The following NFKB2 variants were observed in gnomAD, a reference collection of about 807,000 sequenced individuals.
The protein encoded by NFKB2 is nuclear factor kappa B subunit 2, also known as nuclear factor NF-kappa-B p100 subunit.
In NFKB2, 21 loss-of-function variants were observed where a neutral mutation model predicts 109.3. The ratio of observed to expected loss-of-function variants is 0.19; its 90% confidence interval spans 0.14 to 0.28. The LOEUF is 0.28. Among genes scored for constraint, NFKB2 ranks in the 10% least tolerant of loss-of-function variants. The pLI is 1.00. For synonymous variants in NFKB2, 478 were observed against 489.9 expected, an observed-to-expected ratio of 0.98 and a Z score of 0.32; for missense variants, 806 against 1,185.3, an observed-to-expected ratio of 0.68 and a Z score of 4.70.
upstream of NFKB2, chr10:102,394,425 T>C (rs1453271068): frequency 6.6e-6 from 1 of 152,478 alleles, no homozygotes; most frequent in Non-Finnish European, 1.5e-5. Context: ...AGTTAAACTT[T>C]CAGCCAATGA....
chr10:102,395,844 T>G, intron 1 of NFKB2, 44 bp from the exon 2 acceptor site: 1 of 70,988 alleles, frequency 1.4e-5, no homozygotes, highest in Non-Finnish European at 2.6e-5. Context: ...CCCACCCCCA[T>G]TTAGATCTGA....
Position 102,397,615 on chromosome 10 carries a change from C to T in NFKB2, c.591C>T (p.Phe197=). The T allele has an allele frequency of 1.2e-6, 2 of 1,614,020 alleles. No individual in the cohort carries two copies. The highest frequency in any genetic ancestry group is 1.7e-6 in the Non-Finnish European group (2 of 1,179,864). ...TAGTGCGGCTGCGCTTCTCTGCCTT[C>T]CTTAGAGCCAGTGATGGCTCCTTCT... ...LSIVRLRFSA[F]LRASDGSFSL... is the part of the protein sequence containing the mutation. The change falls in exon 8 of 23, where the codon TTC becomes TTT. Residue 197 remains phenylalanine, a synonymous_variant. Transcript: ENST00000661543. This position sits in a 1 kb window ranked among gnomAD's most constrained non-coding sequence, Gnocchi z 4.7.
At chr10:102,395,820 G>GGCCCCC in intron 1 of NFKB2, 24 bp downstream of exon 1, 1 of 399,570 alleles carries the variant, frequency 2.5e-6, no homozygotes, top group South Asian at 4.7e-5. Flanking sequence ...CCAAATCTGG[G>GGCCCCC]CCCCCATCTC....
rs2061108121 is a variant in NFKB2 at position 102,396,191 on chromosome 10, G to A, written c.22-62G>A. The A allele has an allele frequency of 1.3e-6, 2 of 1,547,840 alleles. No homozygotes were observed. Among genetic ancestry groups the A allele is most frequent in the African/African-American group, 1.4e-5 (1 of 73,632 alleles). On this transcript the variant is annotated intron_variant, in intron 2 of 22. Transcript: ENST00000661543. The surrounding 1 kb of genome is among the most constrained non-coding windows in gnomAD (Gnocchi z 5.9). ...AGTGACCACTGAAGACTTGGAGATG[G>A]GAGGTGGGGCTGTGGGGGGTGCTGA...
intron 14 of NFKB2, 34 bp downstream of exon 14, chr10:102,399,752 G>T: frequency 6.9e-7 from 1 of 1,442,920 alleles, no homozygotes. Flanking sequence ...ACGAGGCGCG[G>T]GGTGGGGGCA....
At position 102,397,868 on chromosome 10, in the gene NFKB2, G is replaced by T; in HGVS notation, c.662-113G>T. ...CTGTCTTTAGTAAATGTGTATATTG[G>T]GTGTTTCCTGCAGCTCCAGGGGTTG... On this transcript the variant is annotated intron_variant, in intron 8 of 22. Transcript: ENST00000661543. This position sits in a 1 kb window ranked among gnomAD's most constrained non-coding sequence, Gnocchi z 4.7. 3 of 1,264,662 alleles carry T rather than the reference G, an allele frequency of 2.4e-6. No homozygotes were observed. The highest frequency in any genetic ancestry group is 1.9e-5 in the Admixed American group (1 of 53,134). 78.3% of individuals were successfully genotyped at this position (1,264,662 alleles called of 1,614,324 possible). A position where few individuals can be genotyped will look rare whatever the true frequency, so the allele number is the denominator to read the frequency against.
chr10:102,394,413 A>G (rs1199403781), upstream of NFKB2: 2 of 152,466 alleles, frequency 1.3e-5, no homozygotes, highest in Admixed American at 1.3e-4. Flanking sequence ...GCGCCAGTCC[A>G]GAGTTAAACT....
chr10:102,400,609 C>A lies in NFKB2; in HGVS notation c.1799-46C>A. The A allele has an allele frequency of 6.2e-7, 1 of 1,607,366 alleles. No individual in the cohort carries two copies. Among genetic ancestry groups the A allele is most frequent in the Non-Finnish European group, 8.5e-7 (1 of 1,175,498 alleles). On this transcript the variant is annotated intron_variant, in intron 16 of 22. Coordinates refer to ENST00000661543, the MANE Select transcript of NFKB2 (RefSeq NM_001322934.2). This position sits in a 1 kb window ranked among gnomAD's most constrained non-coding sequence, Gnocchi z 6.3. ...TGAATGGTCAGGGCTGGTCCAGGGG[C>A]TGCCTTAAGGGTCACAGCTGCAGGT... is the stretch of plus-strand genomic sequence containing the variant.
Position 102,401,394 on chromosome 10 carries a change from G to A in NFKB2, c.2224-55G>A. ...GGGGTCCAGAGTATCTGGACTTAAA[G>A]ACACAGGCTTAAGGACGAGGTGGGA... On this transcript the variant is annotated intron_variant, in intron 19 of 22. Coordinates refer to ENST00000661543, the MANE Select transcript of NFKB2 (RefSeq NM_001322934.2). This position sits in a 1 kb window ranked among gnomAD's most constrained non-coding sequence, Gnocchi z 4.2. 1 of 1,613,486 alleles carries A rather than the reference G, an allele frequency of 6.2e-7. No homozygotes were observed. Among genetic ancestry groups the A allele is most frequent in the Non-Finnish European group, 8.5e-7 (1 of 1,179,776 alleles).
Position 102,397,576 on chromosome 10 carries a change from G to A in NFKB2, c.552G>A (p.Val184=). ...AAGAGGCCAAAGAACTGAAGAAGGT[G>A]ATGGATCTGAGTATAGTGCGGCTGC... ...LEQEAKELKK[V]MDLSIVRLRF... The change falls in exon 8 of 23, where the codon GTG becomes GTA. Residue 184 remains valine (V), a synonymous_variant. Transcript: ENST00000661543. The surrounding 1 kb of genome is among the most constrained non-coding windows in gnomAD (Gnocchi z 4.7). 6.2e-7 allele frequency: 1 copy of A among 1,614,018 alleles called. No homozygotes were observed. Among genetic ancestry groups the A allele is most frequent in the Non-Finnish European group, 8.5e-7 (1 of 1,179,888 alleles).
chr10:102,395,673 T>G (rs45502493), upstream of NFKB2: 39 of 488,466 alleles, frequency 8.0e-5, no homozygotes, highest in Admixed American at 7.3e-4. Context: ...CCGCCTCCCC[T>G]TGGTATTTTC....
rs927400446 is a variant in NFKB2, at chr10:102,396,073, T to G, written c.21+93T>G. ...CCCCCTCTGCTGCCTTACACCTGTA[T>G]GCTCGCAGATGCTCTCAGCCTGCCA... On this transcript the variant is annotated intron_variant, in intron 2 of 22. Coordinates refer to ENST00000661543, the MANE Select transcript of NFKB2 (RefSeq NM_001322934.2). This position sits in a 1 kb window ranked among gnomAD's most constrained non-coding sequence, Gnocchi z 5.9. 9.5e-5 allele frequency: 146 copies of G among 1,530,780 alleles called. No homozygotes were observed. The highest frequency in any genetic ancestry group is 1.2e-4 in the Non-Finnish European group (136 of 1,110,306). 94.8% of individuals were successfully genotyped at this position (1,530,780 alleles called of 1,614,324 possible).
chr10:102,396,433 G>A lies in NFKB2; in HGVS notation c.104-16G>A. On this transcript the variant is annotated splice_polypyrimidine_tract_variant and intron_variant, in intron 3 of 22. Coordinates refer to ENST00000661543, the MANE Select transcript of NFKB2 (RefSeq NM_001322934.2). This position sits in a 1 kb window ranked among gnomAD's most constrained non-coding sequence, Gnocchi z 5.9. ...GGCTGGGAGATCGTGGCTCAGCAAG[G>A]TCTCTCTGTCCCCAGCTGATGGCCC... 2 of 1,614,118 alleles carry A rather than the reference G, an allele frequency of 1.2e-6. No homozygotes were observed. Among genetic ancestry groups the A allele is most frequent in the Middle Eastern group, 3.3e-4 (2 of 6,062 alleles).
Position 102,398,218 on chromosome 10 carries a change from T to C in NFKB2, c.773T>C (p.Ile258Thr), listed in dbSNP as rs1015933858. ...LLCDKVQKDDIEVRFYEDDEN... is the reference protein window; with the variant it reads ...LLCDKVQKDDTEVRFYEDDEN... ...GCTTCCGTTTTCCTTGTAGATGACA[T>C]TGAGGTTCGGTTCTATGAGGATGAT... Residue 258 changes from isoleucine (I) to threonine (T), a missense_variant, in exon 10 of 23, where the codon ATT (isoleucine) becomes ACT (threonine). Ile to Thr is a moderately conservative substitution (Grantham distance 89). Around this residue, in one of 10 missense-constraint regions of NFKB2, gnomAD observed 64 missense variants for 177.4 expected, o/e 0.36. Transcript: ENST00000661543. The surrounding 1 kb of genome is among the most constrained non-coding windows in gnomAD (Gnocchi z 6.6). 2 of 1,613,880 alleles carry C rather than the reference T, an allele frequency of 1.2e-6. No individual in the cohort carries two copies. Among genetic ancestry groups the C allele is most frequent in the Non-Finnish European group, 1.7e-6 (2 of 1,179,986 alleles).
chr10:102,394,489 G>C (rs1181534091), upstream of NFKB2: 1 of 152,690 alleles, frequency 6.5e-6, no homozygotes, highest in African/African-American at 2.4e-5. Context: ...CCCCCTCCGG[G>C]GGGCCGAGAA....
Position 102,397,120 on chromosome 10 carries a change from C to T in NFKB2, c.395+65C>T, listed in dbSNP as rs2061129573. ...TCTGCCAGTCCCAGGCCCCAGCCCACCTCCATGAGCTTAGCATCTGACCAA... is the reference window on the plus strand; with the variant it reads ...TCTGCCAGTCCCAGGCCCCAGCCCATCTCCATGAGCTTAGCATCTGACCAA... On this transcript the variant is annotated intron_variant, in intron 6 of 22. Coordinates refer to ENST00000661543, the MANE Select transcript of NFKB2 (RefSeq NM_001322934.2). The surrounding 1 kb of genome is among the most constrained non-coding windows in gnomAD (Gnocchi z 4.7). 3 of 1,583,560 alleles carry T rather than the reference C, an allele frequency of 1.9e-6. No individual in the cohort carries two copies. Among genetic ancestry groups the T allele is most frequent in the Admixed American group, 1.7e-5 (1 of 58,368 alleles).
Position 102,399,506 on chromosome 10 carries a change from T to C in NFKB2, c.1327+9T>C. On this transcript the variant is annotated intron_variant, in intron 13 of 22. Transcript: ENST00000661543. The stretch of plus-strand genomic sequence containing the variant: ...GGAGATGCTGCAGCGAGGTATGGAC[T>C]CCGGGGCACGGGCGGTCGGGGCGCC... The C allele has an allele frequency of 6.7e-7, 1 of 1,500,202 alleles. No homozygotes were observed. The allele number at this position is 1,500,202 out of a possible 1,614,324, so 92.9% of individuals were successfully genotyped here.
Position 102,401,089 on chromosome 10 carries a change from G to A in NFKB2, c.2071+40G>A. 1 of 1,613,386 alleles carries A rather than the reference G, an allele frequency of 6.2e-7. No individual in the cohort carries two copies. The highest frequency in any genetic ancestry group is 1.3e-5 in the African/African-American group (1 of 75,014). On this transcript the variant is annotated intron_variant, in intron 18 of 22. Coordinates refer to ENST00000661543, the MANE Select transcript of NFKB2 (RefSeq NM_001322934.2). This position sits in a 1 kb window ranked among gnomAD's most constrained non-coding sequence, Gnocchi z 4.2. ...CAGGGGCACTTGAACAGGGTGGGGGGAAGGGAGAGAGGTGCCTCCCAGTCC... is the reference window on the plus strand; with the variant it reads ...CAGGGGCACTTGAACAGGGTGGGGGAAAGGGAGAGAGGTGCCTCCCAGTCC...
Position 102,401,792 on chromosome 10 carries a change from C to T in NFKB2, c.2341C>T (p.Leu781=). The change falls in exon 21 of 23, where the codon CTG becomes TTG. Residue 781 remains leucine (L), a synonymous_variant. Transcript: ENST00000661543. The surrounding 1 kb of genome is among the most constrained non-coding windows in gnomAD (Gnocchi z 4.2). ...GDTALQNLEQ[L]LDGPEAQGSW... ...TACAGCTCTGCAGAACCTGGAGCAG[C>T]TGCTAGACGGGCCAGAAGCCCAGGG... 1 of 1,613,388 alleles carries T rather than the reference C, an allele frequency of 6.2e-7. No homozygotes were observed. The highest frequency in any genetic ancestry group is 8.5e-7 in the Non-Finnish European group (1 of 1,179,726).
Sources: gnomAD v4.1 joint callset for allele counts on GRCh38, gnomAD v4.1.1 for gene constraint, gnomAD v4.1.1 regional missense constraint, Gnocchi (gnomAD v3.1) non-coding constraint, MANE v1.5 for transcripts, NCBI Gene and HGNC (gene_info 2026-07-23, HGNC 2026-07-21) for gene names.